Variants in NCKAP1 observed in about 807,000 individuals in gnomAD.
The protein encoded by NCKAP1 is nck-associated protein 1.
In NCKAP1, 21 loss-of-function variants were observed where a neutral mutation model predicts 151.2. The observed-to-expected ratio is 0.14, with a 90% confidence interval of 0.10 to 0.20. The LOEUF is 0.20. NCKAP1 is among the 10% of genes least tolerant of loss of function. NCKAP1 has a pLI of 1.00. For synonymous variants in NCKAP1, 484 were observed against 451.8 expected, an observed-to-expected ratio of 1.07 and a Z score of -0.90; for missense variants, 933 against 1,352.1, an observed-to-expected ratio of 0.69 and a Z score of 4.86.
intron 2 of NCKAP1, among the ~76,000 whole-genome samples, chr2:183,019,426 T>A (rs1698754619): frequency 6.6e-6 from 1 of 152,176 alleles, no homozygotes; most frequent in Non-Finnish European, 1.5e-5. Flanking sequence ...TTACATTGCC[T>A]TTTAGGTTTC....
intron 26 of NCKAP1, among the ~76,000 whole-genome samples, chr2:182,932,645 C>T (rs1418991264): frequency 6.6e-6 from 1 of 151,008 alleles, no homozygotes; most frequent in Non-Finnish European, 1.5e-5. Context: ...TGTTTAAAAA[C>T]ATGTTTTTGT....
chr2:182,966,978 AAG>A (rs1193320522), intron 16 of NCKAP1, among the ~76,000 whole-genome samples: 3 of 152,226 alleles, frequency 2.0e-5, no homozygotes, highest in Non-Finnish European at 2.9e-5. Context: ...AAAAAAATGT[AAG>A]AAATAAAAGT....
At chr2:182,929,661 C>CA (rs1458753158) in intron 27 of NCKAP1, among the ~76,000 whole-genome samples, 2 of 148,214 alleles carry the variant, frequency 1.3e-5, no homozygotes, top group Non-Finnish European at 3.0e-5. Flanking sequence ...TGGTCGACTA[C>CA]AAAAAATACA....
rs762037877 is a variant in NCKAP1, at chr2:182,934,743, T to C, written c.2859+9A>G. 3.8e-6 allele frequency: 5 copies of C among 1,314,664 alleles called. No homozygotes were observed. The South Asian group carries it at 3.9e-5, about 10-fold the overall frequency. The allele number at this position is 1,314,664 out of a possible 1,614,324, so 81.4% of individuals were successfully genotyped here. On this transcript the variant is annotated intron_variant, in intron 26 of 30. Transcript: ENST00000361354. ...GACTGTAAACCCCAACTATAAATTA[T>C]ATTATTACCTTCATATCAGTTTCCC...
At chr2:182,951,210 C>G (rs1697208275) in intron 23 of NCKAP1, among the ~76,000 whole-genome samples, 1 of 152,124 alleles carries the variant, frequency 6.6e-6, no homozygotes, top group Non-Finnish European at 1.5e-5. Flanking sequence ...GTCACACTGA[C>G]TCTTGCTATT....
At chr2:182,977,255 G>A (rs952802863) in intron 14 of NCKAP1, among the ~76,000 whole-genome samples, 3 of 152,228 alleles carry the variant, frequency 2.0e-5, no homozygotes, top group East Asian at 3.9e-4. Flanking sequence ...TTGGGAGGCC[G>A]AGGCAGGTGG....
intron 24 of NCKAP1, among the ~76,000 whole-genome samples, chr2:182,935,751 G>T (rs368130568): frequency 3.1e-4 from 47 of 151,220 alleles, no homozygotes; most frequent in African/African-American, 1.1e-3. Context: ...GAGACTAGAT[G>T]AGAAAGAAGC....
At position 183,023,935 on chromosome 2, in the gene NCKAP1, A is replaced by G. The variant is rs765418272; in HGVS notation, c.109-19T>C. ...CACATGCCTATAAAACAACAGTAATAAAAAAAAGTGAAATGCACCCTTCTT... is the reference window on the plus strand; with the variant it reads ...CACATGCCTATAAAACAACAGTAATGAAAAAAAGTGAAATGCACCCTTCTT... On this transcript the variant is annotated intron_variant, in intron 1 of 30. Coordinates refer to ENST00000361354, the MANE Select transcript of NCKAP1 (RefSeq NM_013436.5). 1 of 1,500,492 alleles carries G rather than the reference A, an allele frequency of 6.7e-7. No individual in the cohort carries two copies. The highest frequency in any genetic ancestry group is 9.1e-7 in the Non-Finnish European group (1 of 1,099,176). The allele number at this position is 1,500,492 out of a possible 1,614,324, so 92.9% of individuals were successfully genotyped here.
Position 182,956,399 on chromosome 2 carries a change from TATA to T in NCKAP1, c.2153+60_2153+62del. 4 of 1,540,184 alleles carry T rather than the reference TATA, an allele frequency of 2.6e-6. 1 individual carries two copies. The highest frequency in any genetic ancestry group is 2.7e-6 in the Non-Finnish European group (3 of 1,124,406). ...TAATGCTTTTCCTTATAAAACACTG[TATA>T]ATTAAATAACAAACTCATTACTGAG... On this transcript the variant is annotated intron_variant, in intron 20 of 30. Transcript: ENST00000361354.
At chr2:183,035,751 T>C (rs1699088820) in intron 1 of NCKAP1, among the ~76,000 whole-genome samples, 1 of 152,146 alleles carries the variant, frequency 6.6e-6, no homozygotes, top group South Asian at 2.1e-4. Context: ...ATCTGATTCA[T>C]TTACATGCAA....
chr2:182,976,513 C>T (rs1361926003), intron 15 of NCKAP1, among the ~76,000 whole-genome samples: 1 of 152,166 alleles, frequency 6.6e-6, no homozygotes, highest in East Asian at 1.9e-4. Context: ...GGCTGCAAGC[C>T]TAAAATTTTT....
In NCKAP1 at chr2:182,921,683, T is replaced by C. The variant is rs1696551825; in HGVS notation, c.*4019A>G. The C allele has an allele frequency of 6.6e-6, 1 of 152,232 alleles. No individual in the cohort carries two copies. The highest frequency in any genetic ancestry group is 2.4e-5 in the African/African-American group (1 of 41,460). 9.4% of individuals were successfully genotyped at this position (152,232 alleles called of 1,614,324 possible). A position where few individuals can be genotyped will look rare whatever the true frequency, so the allele number is the denominator to read the frequency against. On this transcript the variant is annotated 3_prime_UTR_variant, in exon 31 of 31. Transcript: ENST00000361354. ...CTTCAGATTGCTAATTTATCCCATT[T>C]TACTTAGGCCCAAAATGACAGGCTG...
In NCKAP1 at chr2:182,964,523, T is replaced by C. The variant is rs144301659; in HGVS notation, c.1761+153A>G. 1.8e-3 allele frequency among the ~76,000 whole-genome samples: 269 copies of C among 152,286 alleles called. No individual in the cohort carries two copies. Among genetic ancestry groups the C allele is most frequent in the Non-Finnish European group, 3.0e-3 (205 of 68,008 alleles). On this transcript the variant is annotated intron_variant, in intron 17 of 30. Transcript: ENST00000361354. The stretch of plus-strand genomic sequence containing the variant: ...TTTATCTATATATATATTAAACCTA[T>C]GTATCTGTTCAAGCACTTTTCTGAT...
intron 2 of NCKAP1, among the ~76,000 whole-genome samples, chr2:183,015,253 A>G (rs568116938): frequency 2.4e-4 from 36 of 152,346 alleles, no homozygotes; most frequent in Non-Finnish European, 4.6e-4. Flanking sequence ...TTTTGGGATC[A>G]TAAGAACCAC....
intron 23 of NCKAP1, among the ~76,000 whole-genome samples, chr2:182,945,794 C>A (rs2105815278): frequency 6.6e-6 from 1 of 152,296 alleles, no homozygotes. Flanking sequence ...CCAGCAATCT[C>A]ATTACTGGGT....
chr2:182,969,821 A>C (rs1697649837), intron 15 of NCKAP1, among the ~76,000 whole-genome samples: 1 of 152,082 alleles, frequency 6.6e-6, no homozygotes, highest in Non-Finnish European at 1.5e-5. Flanking sequence ...ATTCAGACTA[A>C]AAAGAATACA....
rs1696554369 is a variant in NCKAP1 at position 182,921,817 on chromosome 2, T to G, written c.*3885A>C. The G allele has an allele frequency of 6.8e-6, 1 of 148,082 alleles. No homozygotes were observed. Among genetic ancestry groups the G allele is most frequent in the African/African-American group, 2.5e-5 (1 of 40,168 alleles). 9.2% of individuals were successfully genotyped at this position (148,082 alleles called of 1,614,324 possible). On this transcript the variant is annotated 3_prime_UTR_variant, in exon 31 of 31. Transcript: ENST00000361354. ...TGGTTCATGCAAAAATGAATGAAAT[T>G]TTAATACACTTAAAGTTACTTCTCA... is the stretch of plus-strand genomic sequence containing the variant.
intron 7 of NCKAP1, 118 bp from the exon 8 acceptor site, chr2:182,995,005 AC>A: frequency 1.3e-6 from 1 of 758,314 alleles, no homozygotes; most frequent in East Asian, 2.6e-5. Flanking sequence ...CCCAAATACT[AC>A]CACAACAAAT....
intron 29 of NCKAP1, among the ~76,000 whole-genome samples, chr2:182,927,842 G>C (rs1031433743): frequency 6.6e-6 from 1 of 151,928 alleles, no homozygotes; most frequent in Non-Finnish European, 1.5e-5. Context: ...CTAGAGTTGG[G>C]AAAGAGACTT....
Sources: allele counts gnomAD v4.1 joint callset (sites outside exome capture counted in the v4.1 genomes callset), GRCh38; gene constraint gnomAD v4.1.1; transcripts MANE v1.5; gene names NCBI Gene and HGNC (gene_info 2026-07-23, HGNC 2026-07-21).